The following SLC23A1 variants were observed in gnomAD, a reference collection of about 807,000 sequenced individuals.
The protein encoded by SLC23A1 is Na(+)/L-ascorbic acid transporter 1.
A neutral mutation model predicts 62.5 loss-of-function variants in SLC23A1; 31 were observed. The ratio of observed to expected loss-of-function variants is 0.50; its 90% CI spans 0.37 to 0.67. The LOEUF is 0.67. Among genes scored for constraint, SLC23A1 ranks in the 30% least tolerant of loss-of-function variants. SLC23A1 has a pLI of 0.00. For synonymous variants in SLC23A1, 271 were observed against 313.2 expected (o/e 0.87, Z 1.42); for missense variants, 640 against 782.7 (o/e 0.82, Z 2.18).
intron 2 of SLC23A1, 137 bp from the exon 3 acceptor site, chr5:139,382,186 G>A (rs555696924): frequency 1.3e-4 from 103 of 801,928 alleles, no homozygotes; most frequent in Non-Finnish European, 1.7e-4. Context: ...CCCCACAAGG[G>A]ATTCCCAGAG....
At chr5:139,368,032 C>G (rs1196908440) in intron 14 of SLC23A1, among the ~76,000 whole-genome samples, 1 of 151,814 alleles carries the variant, frequency 6.6e-6, no homozygotes, top group Non-Finnish European at 1.5e-5. Context: ...AACCCCTTCT[C>G]TACTAAAAAT....
chr5:139,374,139 A>T (rs192003319), intron 13 of SLC23A1, among the ~76,000 whole-genome samples: 147 of 152,358 alleles, frequency 9.6e-4, no homozygotes, highest in Non-Finnish European at 1.6e-3. Context: ...ACAAATTGTT[A>T]CTGACTTACA....
chr5:139,379,589 G>A lies in SLC23A1; in HGVS notation c.925+89C>T, dbSNP rs1758131052. 2.3e-6 allele frequency: 3 copies of A among 1,288,582 alleles called. No individual in the cohort carries two copies. Among genetic ancestry groups the A allele is most frequent in the African/African-American group, 1.5e-5 (1 of 68,126 alleles). The allele number at this position is 1,288,582 out of a possible 1,614,324, so 79.8% of individuals were successfully genotyped here. On this transcript the variant is annotated intron_variant, in intron 8 of 14. Coordinates refer to ENST00000348729, the MANE Select transcript of SLC23A1 (RefSeq NM_005847.5). This position sits in a 1 kb window ranked among gnomAD's most constrained non-coding sequence, Gnocchi z 4.7. ...ACTATAAATGTGCGGCTAATGCTAG[G>A]TGTGTCACCTGCTGGATTGGGGTCA...
Position 139,379,908 on chromosome 5 carries a change from C to T in SLC23A1, c.768+48G>A. The T allele has an allele frequency of 1.9e-6, 3 of 1,614,074 alleles. No individual in the cohort carries two copies. The highest frequency in any genetic ancestry group is 2.5e-6 in the Non-Finnish European group (3 of 1,179,946). On this transcript the variant is annotated intron_variant, in intron 7 of 14. Coordinates refer to ENST00000348729, the MANE Select transcript of SLC23A1 (RefSeq NM_005847.5). This position sits in a 1 kb window ranked among gnomAD's most constrained non-coding sequence, Gnocchi z 4.7. ...CAGGCTAACCTGCTCCCACCTCAGC[C>T]CAAGCCCTGGCCATAGTCCCAGCCC...
Position 139,379,236 on chromosome 5 carries a change from T to C in SLC23A1, c.1044A>G (p.Ala348=), listed in dbSNP as rs1581370453. The C allele has an allele frequency of 6.2e-7, 1 of 1,614,060 alleles. No individual in the cohort carries two copies. The highest frequency in any genetic ancestry group is 8.5e-7 in the Non-Finnish European group (1 of 1,179,990). The part of the protein sequence containing the change: ...DYYACARLAG[A]PPPPVHAINR... ...TGATAGCATGTACTGGAGGGGGTGG[T>C]GCACCAGCCAGGCGGGCACAGGCGT... is the stretch of plus-strand genomic sequence containing the variant. Residue 348 remains alanine, a synonymous_variant, in exon 9 of 15, where the codon GCA becomes GCG. Coordinates refer to ENST00000348729, the MANE Select transcript of SLC23A1 (RefSeq NM_005847.5). The surrounding 1 kb of genome is among the most constrained non-coding windows in gnomAD (Gnocchi z 4.7).
chr5:139,368,711 T>C (rs1406330763), intron 14 of SLC23A1: 1 of 1,592,572 alleles, frequency 6.3e-7, no homozygotes, highest in Admixed American at 1.7e-5. Flanking sequence ...TGAACTTGCT[T>C]TTTTATGTAC....
chr5:139,368,532 AAAAG>A (rs1757438276), intron 14 of SLC23A1, among the ~76,000 whole-genome samples: 1 of 149,170 alleles, frequency 6.7e-6, no homozygotes, highest in African/African-American at 2.5e-5. Flanking sequence ...CCGTCACAAA[AAAAG>A]AAAAGAAAAA....
upstream of SLC23A1, chr5:139,384,735 A>G (rs1450447263): frequency 2.0e-6 from 2 of 985,308 alleles, no homozygotes; most frequent in Non-Finnish European, 2.4e-6. Flanking sequence ...CCACAGTAGC[A>G]TGAAGGGGCC....
chr5:139,381,754 C>G (rs1461655047), intron 3 of SLC23A1, 138 bp downstream of exon 3: 1 of 691,556 alleles, frequency 1.4e-6, no homozygotes, highest in Non-Finnish European at 2.5e-6. Context: ...CTAAGGCTGG[C>G]CTGGGATAGG....
intron 14 of SLC23A1, chr5:139,368,920 T>C: frequency 1.5e-6 from 1 of 679,282 alleles, no homozygotes; most frequent in South Asian, 1.9e-5. Context: ...CCAAAGTTTT[T>C]GTTAGTCTTG....
In SLC23A1 at chr5:139,378,162, T is replaced by C; in HGVS notation, c.1310-44A>G. The C allele has an allele frequency of 6.2e-7, 1 of 1,613,496 alleles. No homozygotes were observed. Among genetic ancestry groups the C allele is most frequent in the Non-Finnish European group, 8.5e-7 (1 of 1,179,742 alleles). On this transcript the variant is annotated intron_variant, in intron 11 of 14. Coordinates refer to ENST00000348729, the MANE Select transcript of SLC23A1 (RefSeq NM_005847.5). The surrounding 1 kb of genome is among the most constrained non-coding windows in gnomAD (Gnocchi z 4.5). ...GGCTGGAGGCGCCGCACACGCGTAA[T>C]CCAGGTGAGTCCCACTCGGCGACCC...
At position 139,381,957 on chromosome 5, in the gene SLC23A1, C is replaced by T; in HGVS notation, c.243G>A (p.Gln81=). 1.3e-6 allele frequency: 2 copies of T among 1,593,172 alleles called. No homozygotes were observed. The highest frequency in any genetic ancestry group is 8.5e-7 in the Non-Finnish European group (1 of 1,170,384). The change falls in exon 3 of 15, where the codon CAG becomes CAA. Residue 81 remains glutamine, a synonymous_variant. Coordinates refer to ENST00000348729, the MANE Select transcript of SLC23A1 (RefSeq NM_005847.5). ...CVGHDQHMVS[Q]LIGTIFTCVG... is the part of the protein sequence containing the mutation. ...CGCACGTGAAGATGGTGCCGATGAG[C>T]TGACTAACCATGTGCTGGTCGTGGC... is the stretch of plus-strand genomic sequence containing the variant.
Position 139,379,185 on chromosome 5 carries a change from C to A in SLC23A1, c.1073+22G>T, listed in dbSNP as rs1758103768. 1 of 1,613,222 alleles carries A rather than the reference C, an allele frequency of 6.2e-7. No individual in the cohort carries two copies. The highest frequency in any genetic ancestry group is 8.5e-7 in the Non-Finnish European group (1 of 1,179,338). The stretch of plus-strand genomic sequence containing the variant: ...GGGTGGCGCCTGAGGAGATCAGATA[C>A]TGAGGAGGGCAGGTAGGCTACCTGT... On this transcript the variant is annotated intron_variant, in intron 9 of 14. Transcript: ENST00000348729. The surrounding 1 kb of genome is among the most constrained non-coding windows in gnomAD (Gnocchi z 4.7).
Position 139,380,815 on chromosome 5 carries a change from C to T in SLC23A1, c.380G>A (p.Trp127Ter), listed in dbSNP as rs1758215755. 1 of 1,571,564 alleles carries T rather than the reference C, an allele frequency of 6.4e-7. No individual in the cohort carries two copies. Among genetic ancestry groups the T allele is most frequent in the African/African-American group, 1.3e-5 (1 of 74,152 alleles). The change falls in exon 4 of 15, where the codon TGG becomes TAG. Residue 127 changes from tryptophan to a stop codon, truncating the protein, a stop_gained. Transcript: ENST00000348729. LOFTEE classifies it high-confidence loss of function. ...PAKAILALERWKCPPEEEIYG... is the reference protein window; with the variant it reads ...PAKAILALER ...GTACCCACCTTCCGGGGGGCATTTC[C>T]ATCTCTCCAGAGCCAGTATGGCTTT...
intron 14 of SLC23A1, among the ~76,000 whole-genome samples, chr5:139,370,538 G>A (rs1216830741): frequency 6.6e-6 from 1 of 151,174 alleles, no homozygotes; most frequent in African/African-American, 2.4e-5. Context: ...CTGTCACCAA[G>A]GCTGGAGTGC....
At position 139,382,584 on chromosome 5, in the gene SLC23A1, A is replaced by G. The variant is rs1421910795; in HGVS notation, c.58T>C (p.Ser20Pro). The G allele has an allele frequency of 1.2e-6, 2 of 1,612,810 alleles. No homozygotes were observed. Among genetic ancestry groups the G allele is most frequent in the Admixed American group, 1.7e-5 (1 of 59,840 alleles). Reference protein sequence around the residue: ...RTQHETTRDPSTPLPTEPKFD... With the variant: ...RTQHETTRDPPTPLPTEPKFD... ...TTAGGCTCTGTGGGTAGCGGGGTCGAGGGGTCCCTGGTGGTTTCATGCTGG... is the reference window on the plus strand; with the variant it reads ...TTAGGCTCTGTGGGTAGCGGGGTCGGGGGGTCCCTGGTGGTTTCATGCTGG... Residue 20 changes from serine to proline, a missense_variant, in exon 2 of 15, where the codon TCG (serine) becomes CCG (proline). By Grantham distance (74) the Ser-to-Pro change is moderately conservative. Coordinates refer to ENST00000348729, the MANE Select transcript of SLC23A1 (RefSeq NM_005847.5).
In SLC23A1 at chr5:139,379,838, A is replaced by T. The variant is rs745675220; in HGVS notation, c.769-4T>A. 1 of 1,614,020 alleles carries T rather than the reference A, an allele frequency of 6.2e-7. No homozygotes were observed. Among genetic ancestry groups the T allele is most frequent in the South Asian group, 1.1e-5 (1 of 91,082 alleles). On this transcript the variant is annotated splice_polypyrimidine_tract_variant and splice_region_variant and intron_variant, in intron 7 of 14. Coordinates refer to ENST00000348729, the MANE Select transcript of SLC23A1 (RefSeq NM_005847.5). The surrounding 1 kb of genome is among the most constrained non-coding windows in gnomAD (Gnocchi z 4.7). ...CGGTCATGATGGCCAGCATGATCTGAAGGAGGGGGGTGAGGGGGCACTGAA... is the reference window on the plus strand; with the variant it reads ...CGGTCATGATGGCCAGCATGATCTGTAGGAGGGGGGTGAGGGGGCACTGAA...
chr5:139,384,344 T>C (rs1360832685), upstream of SLC23A1: 2 of 1,279,852 alleles, frequency 1.6e-6, no homozygotes, highest in Non-Finnish European at 2.0e-6. Context: ...CCCAGCACTC[T>C]AGAGCCCACC....
intron 14 of SLC23A1, among the ~76,000 whole-genome samples, chr5:139,370,955 G>T (rs957156932): frequency 4.0e-5 from 6 of 151,828 alleles, no homozygotes; most frequent in Admixed American, 3.3e-4. Context: ...GGTGGTAGAC[G>T]CCTGTAATCC....
Sources: allele counts gnomAD v4.1 joint callset (sites outside exome capture counted in the v4.1 genomes callset), GRCh38; gene constraint gnomAD v4.1.1; non-coding constraint Gnocchi (gnomAD v3.1); transcripts MANE v1.5; gene names NCBI Gene and HGNC (gene_info 2026-07-23, HGNC 2026-07-21).